AFG1L: variants seen among roughly 807,000 people sequenced by gnomAD.
AFG1L encodes the protein AFG1-like ATPase.
In AFG1L, 53 loss-of-function variants were observed where a neutral mutation model predicts 62.2. That is an observed-to-expected ratio of 0.85 (90% CI 0.68 to 1.07). The LOEUF (loss-of-function observed/expected upper bound fraction) is 1.07, where lower values mean the gene tolerates loss of function less well. Ranked by LOEUF, AFG1L falls within the 50% of genes least tolerant of loss-of-function variation. The pLI, the probability that AFG1L is intolerant of heterozygous loss-of-function variation, is 0.00. For synonymous variants in AFG1L, 228 were observed against 210.3 expected, an observed-to-expected ratio of 1.08 and a Z score of -0.73; for missense variants, 555 against 590.5, an observed-to-expected ratio of 0.94 and a Z score of 0.62.
chr6:108,380,314 C>A (rs575499491), intron 6 of AFG1L, among the ~76,000 whole-genome samples: 11 of 152,152 alleles, frequency 7.2e-5, no homozygotes, highest in African/African-American at 2.6e-4. Context: ...CTGGTTCAGG[C>A]AAGTACGTAT....
chr6:108,510,415 G>A, intron 11 of AFG1L, 63 bp downstream of exon 11: 1 of 1,340,944 alleles, frequency 7.5e-7, no homozygotes, highest in Non-Finnish European at 1.0e-6. Flanking sequence ...GATTGCCTGG[G>A]CTGGAAATCC....
At chr6:108,473,951 T>G (rs9486894) in intron 8 of AFG1L, among the ~76,000 whole-genome samples, 102,290 of 152,112 alleles carry the variant, frequency 0.67, 36,343 homozygotes, top group African/African-American at 0.92. Flanking sequence ...GTGTGCCATG[T>G]TGTTTGCTGC....
chr6:108,476,115 T>TA (rs547938894), intron 8 of AFG1L, among the ~76,000 whole-genome samples: 27 of 146,912 alleles, frequency 1.8e-4, no homozygotes, highest in African/African-American at 4.0e-4. Flanking sequence ...CCACCCCTCT[T>TA]AAAAAAAAAA....
At chr6:108,471,195 G>A (rs1197124718) in intron 8 of AFG1L, among the ~76,000 whole-genome samples, 3 of 152,142 alleles carry the variant, frequency 2.0e-5, no homozygotes, top group African/African-American at 7.2e-5. Flanking sequence ...AATCTTTCTT[G>A]AGGGTGAGAT....
At chr6:108,301,466 G>A (rs1267369637) in intron 1 of AFG1L, among the ~76,000 whole-genome samples, 1 of 152,192 alleles carries the variant, frequency 6.6e-6, no homozygotes, top group African/African-American at 2.4e-5. Context: ...CTGAATAGGG[G>A]CAATGCTATT....
At chr6:108,416,866 A>G (rs528618130) in intron 7 of AFG1L, among the ~76,000 whole-genome samples, 2 of 152,016 alleles carry the variant, frequency 1.3e-5, no homozygotes, top group East Asian at 1.9e-4. Flanking sequence ...TGGCACATGT[A>G]TAGATAGGTA....
chr6:108,411,674 A>G (rs1325633744), intron 7 of AFG1L, among the ~76,000 whole-genome samples: 5 of 152,244 alleles, frequency 3.3e-5, no homozygotes, highest in South Asian at 2.1e-4. Context: ...GCAAACTCCA[A>G]CAGACCTGCA....
intron 6 of AFG1L, among the ~76,000 whole-genome samples, chr6:108,386,732 T>C (rs1164661107): frequency 6.6e-6 from 1 of 152,226 alleles, no homozygotes; most frequent in Non-Finnish European, 1.5e-5. Context: ...TTATAGTGTA[T>C]GTAGATGTGA....
At chr6:108,390,990 C>T (rs1582499471) in intron 6 of AFG1L, among the ~76,000 whole-genome samples, 1 of 152,204 alleles carries the variant, frequency 6.6e-6, no homozygotes, top group African/African-American at 2.4e-5. Flanking sequence ...ACCCCCATCA[C>T]CCCACAATTT....
chr6:108,461,229 A>C (rs1334103541), intron 8 of AFG1L, among the ~76,000 whole-genome samples: 1 of 152,208 alleles, frequency 6.6e-6, no homozygotes, highest in Non-Finnish European at 1.5e-5. Context: ...ATGGTAATGA[A>C]TCTGTGCTCA....
At chr6:108,383,013 G>C (rs1446280476) in intron 6 of AFG1L, among the ~76,000 whole-genome samples, 2 of 152,204 alleles carry the variant, frequency 1.3e-5, no homozygotes, top group Admixed American at 1.3e-4. Context: ...CCAGGTGGGT[G>C]GATCACTTGA....
chr6:108,438,798 A>G (rs1771418647), intron 7 of AFG1L, among the ~76,000 whole-genome samples: 1 of 152,204 alleles, frequency 6.6e-6, no homozygotes, highest in South Asian at 2.1e-4. Context: ...GCCTTACCTA[A>G]TAAGTTAATC....
intron 1 of AFG1L, among the ~76,000 whole-genome samples, chr6:108,309,530 C>T (rs1242956170): frequency 2.6e-5 from 4 of 152,084 alleles, no homozygotes; most frequent in African/African-American, 9.7e-5. Flanking sequence ...GACTGGGGAA[C>T]TAAATTTTTA....
chr6:108,458,536 A>G (rs928401928), intron 8 of AFG1L, among the ~76,000 whole-genome samples: 2 of 151,840 alleles, frequency 1.3e-5, no homozygotes, highest in African/African-American at 4.8e-5. Context: ...GCTGGTCTTG[A>G]ACTCCTGGAC....
chr6:108,370,069 C>T (rs1291193420), intron 6 of AFG1L, among the ~76,000 whole-genome samples: 1 of 151,838 alleles, frequency 6.6e-6, no homozygotes, highest in Non-Finnish European at 1.5e-5. Context: ...GGAGAAATGA[C>T]CCATTTGAGG....
intron 6 of AFG1L, among the ~76,000 whole-genome samples, chr6:108,389,998 T>G (rs982247436): frequency 8.5e-5 from 13 of 152,186 alleles, no homozygotes; most frequent in African/African-American, 2.9e-4. Context: ...CATTCTCCCT[T>G]TCACTTTCAG....
intron 3 of AFG1L, among the ~76,000 whole-genome samples, chr6:108,351,798 T>A (rs892168394): frequency 6.6e-6 from 1 of 152,054 alleles, no homozygotes; most frequent in African/African-American, 2.4e-5. Flanking sequence ...TTAAGTCTAT[T>A]CACATTGTTG....
intron 7 of AFG1L, among the ~76,000 whole-genome samples, chr6:108,432,594 G>C (rs767921336): frequency 1.3e-5 from 2 of 152,140 alleles, no homozygotes; most frequent in Admixed American, 6.5e-5. Context: ...TATGGCTTTA[G>C]TTGCCACCCA....
intron 10 of AFG1L, among the ~76,000 whole-genome samples, chr6:108,497,056 A>G (rs1035773435): frequency 2.0e-5 from 3 of 152,320 alleles, no homozygotes; most frequent in Admixed American, 6.5e-5. Flanking sequence ...AATCTTATGT[A>G]TAACCTTCGG....
Sources: gnomAD v4.1 joint callset for allele counts (sites outside exome capture counted in the v4.1 genomes callset) on GRCh38, gnomAD v4.1.1 for gene constraint, MANE v1.5 for transcripts, NCBI Gene and HGNC (gene_info 2026-07-23, HGNC 2026-07-21) for gene names.